HEATR5B: variants seen among roughly 807,000 people sequenced by gnomAD.
HEATR5B encodes HEAT repeat-containing protein 5B.
In HEATR5B, 156 loss-of-function variants were observed where a neutral mutation model predicts 224.1. That is an observed-to-expected ratio of 0.70 (90% CI 0.61 to 0.80). The LOEUF is 0.80. Among genes scored for constraint, HEATR5B ranks in the 30% least tolerant of loss-of-function variants. HEATR5B has a pLI of 0.00. For synonymous variants in HEATR5B, 1,027 were observed against 893.0 expected (o/e 1.15, Z -2.68); for missense variants, 2,323 against 2,535.5 (o/e 0.92, Z 1.80).
rs2148581829 is a variant in HEATR5B at position 37,068,820 on chromosome 2, T to C, written c.1038A>G (p.Thr346=). ...DLVSHPRATQ[T]HVEAVYSRRC... is the part of the protein sequence containing the mutation. ...GTCTGGAGTACACAGCCTCCACATGTGTTTGTGTTGCCCGAGGATGGGAAA... is the reference window on the plus strand; with the variant it reads ...GTCTGGAGTACACAGCCTCCACATGCGTTTGTGTTGCCCGAGGATGGGAAA... Residue 346 remains threonine, a synonymous_variant, in exon 8 of 36, where the codon ACA becomes ACG. Coordinates refer to ENST00000233099, the MANE Select transcript of HEATR5B (RefSeq NM_019024.3). 1 of 1,614,100 alleles carries C rather than the reference T, an allele frequency of 6.2e-7. No individual in the cohort carries two copies. Among genetic ancestry groups the C allele is most frequent in the East Asian group, 2.2e-5 (1 of 44,874 alleles).
intron 26 of HEATR5B, among the ~76,000 whole-genome samples, chr2:37,014,760 C>T (rs1182151776): frequency 2.7e-5 from 4 of 150,806 alleles, no homozygotes; most frequent in South Asian, 4.2e-4. Flanking sequence ...AGGCGGATCA[C>T]GAGGTCAGGA....
At position 37,008,676 on chromosome 2, in the gene HEATR5B, G is replaced by T; in HGVS notation, c.4457C>A (p.Ala1486Glu). 6.2e-7 allele frequency: 1 copy of T among 1,614,144 alleles called. No individual in the cohort carries two copies. The highest frequency in any genetic ancestry group is 8.5e-7 in the Non-Finnish European group (1 of 1,180,018). The part of the protein sequence containing the change: ...ELPTLSRLWL[A>E]ALKDYALLTL... Reference sequence around the variant, plus strand: ...CAAGAGTGCATAATCTTTTAATGCTGCTAACCACAGGCGACTGAGTGTTGG... The same window carrying T: ...CAAGAGTGCATAATCTTTTAATGCTTCTAACCACAGGCGACTGAGTGTTGG... The change falls in exon 28 of 36, where the codon GCA (alanine) becomes GAA (glutamate). Residue 1486 changes from alanine (A) to glutamate (E), a missense_variant. This residue lies in a region of HEATR5B where 844 missense variants were observed against 812.9 expected (regional missense o/e 1.04). Transcript: ENST00000233099.
intron 22 of HEATR5B, among the ~76,000 whole-genome samples, chr2:37,032,168 G>A (rs1298995653): frequency 1.3e-5 from 2 of 152,200 alleles, no homozygotes; most frequent in Non-Finnish European, 2.9e-5. Flanking sequence ...AGAAATGGCA[G>A]AAATATTCTG....
In HEATR5B at chr2:36,988,748, C is replaced by G; in HGVS notation, c.5809G>C (p.Ala1937Pro). 1 of 1,614,064 alleles carries G rather than the reference C, an allele frequency of 6.2e-7. No homozygotes were observed. The highest frequency in any genetic ancestry group is 8.5e-7 in the Non-Finnish European group (1 of 1,179,998). The part of the protein sequence containing the change: ...LAPIVVEKLK[A>P]VERNRPASNI... The stretch of plus-strand genomic sequence containing the variant: ...CTGGCTGGTCTGTTTCTTTCAACAG[C>G]TTTTAGCTTTTCAACCACTATTGGA... Residue 1937 changes from alanine (A) to proline (P), a missense_variant, in exon 35 of 36, where the codon GCT becomes CCT. Ala to Pro is a conservative substitution (Grantham distance 27). Around this residue, in one of 12 missense-constraint regions of HEATR5B, gnomAD observed 844 missense variants for 812.9 expected, o/e 1.04. Transcript: ENST00000233099.
In HEATR5B at chr2:37,058,681, C is replaced by G. The variant is rs560975609; in HGVS notation, c.1950-121G>C. 1.9e-4 allele frequency: 139 copies of G among 731,452 alleles called. 1 individual carries two copies. The East Asian group carries it at 3.7e-3, about 20-fold the overall frequency. The allele number at this position is 731,452 out of a possible 1,614,324, so 45.3% of individuals were successfully genotyped here. ...TGATAAGTATACACTTTCATTTTAG[C>G]TTATGTTGTGATCTTTGCTGTAACA... On this transcript the variant is annotated intron_variant, in intron 13 of 35. Transcript: ENST00000233099.
intron 23 of HEATR5B, 117 bp downstream of exon 23, chr2:37,028,561 GTTA>G (rs1403772468): frequency 1.4e-6 from 1 of 715,496 alleles, no homozygotes; most frequent in Non-Finnish European, 2.1e-6. Context: ...TAGATCAAAA[GTTA>G]TTACTTTTAA....
At position 37,028,885 on chromosome 2, in the gene HEATR5B, T is replaced by C. The variant is rs757558731; in HGVS notation, c.3397A>G (p.Thr1133Ala). ...SPFAPGVSSRTDIHCRHQGVN... is the reference protein window; with the variant it reads ...SPFAPGVSSRADIHCRHQGVN... Reference sequence around the variant, plus strand: ...CCTTGGTGCCGGCAATGGATATCAGTTCGAGAACTAACCCCAGGGGCAAAA... The same window carrying C: ...CCTTGGTGCCGGCAATGGATATCAGCTCGAGAACTAACCCCAGGGGCAAAA... Residue 1133 changes from threonine to alanine, a missense_variant, in exon 23 of 36, where the codon ACT (threonine) becomes GCT (alanine). Transcript: ENST00000233099. 1.2e-6 allele frequency: 2 copies of C among 1,613,902 alleles called. No homozygotes were observed. The highest frequency in any genetic ancestry group is 3.3e-5 in the Admixed American group (2 of 59,992).
At chr2:37,040,606 C>CCTG in intron 19 of HEATR5B, 88 bp from the exon 20 acceptor site, 1 of 923,776 alleles carries the variant, frequency 1.1e-6, no homozygotes, top group Non-Finnish European at 1.6e-6. Context: ...TGGGTATACT[C>CCTG]TTAATATTTT....
At chr2:37,024,682 A>G (rs1668660757) in intron 24 of HEATR5B, among the ~76,000 whole-genome samples, 2 of 152,238 alleles carry the variant, frequency 1.3e-5, no homozygotes, top group Admixed American at 6.5e-5. Flanking sequence ...GTAGATTAAA[A>G]TGGGTCTACT....
At chr2:37,014,685 A>T (rs1193932743) in intron 26 of HEATR5B, among the ~76,000 whole-genome samples, 2 of 151,628 alleles carry the variant, frequency 1.3e-5, no homozygotes, top group African/African-American at 4.8e-5. Flanking sequence ...ACTTTAAAAA[A>T]AAAAAAAAAG....
intron 18 of HEATR5B, among the ~76,000 whole-genome samples, chr2:37,048,892 A>G (rs1400599218): frequency 1.3e-5 from 2 of 152,230 alleles, no homozygotes; most frequent in Non-Finnish European, 2.9e-5. Flanking sequence ...CTTCAGAACT[A>G]CTACTTCATA....
In HEATR5B at chr2:37,008,660, AT is replaced by A. The variant is rs750717516; in HGVS notation, c.4472del (p.Tyr1491LeufsTer4). Reference protein sequence around the residue: ...SRLWLAALKDYALLTLPAEFS... With the variant: ...SRLWLAALKDXALLTLPAEFS... ...ATTCGGCTGGTAAAGTCAAGAGTGC[AT>A]AATCTTTTAATGCTGCTAACCACAG... is the stretch of plus-strand genomic sequence containing the variant. On this transcript the variant is annotated frameshift_variant, in exon 28 of 36. Coordinates refer to ENST00000233099, the MANE Select transcript of HEATR5B (RefSeq NM_019024.3). LOFTEE classifies it high-confidence loss of function. 1 of 1,614,204 alleles carries A rather than the reference AT, an allele frequency of 6.2e-7. No individual in the cohort carries two copies. Among genetic ancestry groups the A allele is most frequent in the South Asian group, 1.1e-5 (1 of 91,082 alleles).
At chr2:37,083,118 TG>T (rs1672716896) in intron 2 of HEATR5B, among the ~76,000 whole-genome samples, 170 bp downstream of exon 2, 1 of 152,220 alleles carries the variant, frequency 6.6e-6, no homozygotes, top group South Asian at 2.1e-4. Context: ...GGCAATGAGC[TG>T]GATTTAAACG....
chr2:37,002,944 T>C (rs983761113), intron 31 of HEATR5B, among the ~76,000 whole-genome samples: 1 of 152,120 alleles, frequency 6.6e-6, no homozygotes, highest in African/African-American at 2.4e-5. Context: ...CTTCTAAATG[T>C]ATGATTAATT....
chr2:36,992,423 A>C (rs577424852), intron 33 of HEATR5B, among the ~76,000 whole-genome samples: 3 of 152,038 alleles, frequency 2.0e-5, no homozygotes, highest in Non-Finnish European at 4.4e-5. Flanking sequence ...TCTACAAAAA[A>C]CAAAAAAATT....
chr2:37,076,720 CT>C (rs779510221), intron 4 of HEATR5B, among the ~76,000 whole-genome samples, 190 bp downstream of exon 4: 111 of 151,644 alleles, frequency 7.3e-4, no homozygotes, highest in Non-Finnish European at 2.5e-4. Context: ...AAACCTATTC[CT>C]TGTCAAAGAA....
chr2:37,051,180 AC>A (rs1670520379), intron 17 of HEATR5B, among the ~76,000 whole-genome samples: 1 of 151,838 alleles, frequency 6.6e-6, no homozygotes, highest in Non-Finnish European at 1.5e-5. Flanking sequence ...ACATGGTGAA[AC>A]CCCGTCTCTG....
intron 21 of HEATR5B, among the ~76,000 whole-genome samples, chr2:37,036,339 C>T (rs576533702): frequency 2.6e-5 from 4 of 152,280 alleles, no homozygotes; most frequent in South Asian, 2.1e-4. Flanking sequence ...TCTGTCTTCT[C>T]TCTCAGCCTT....
chr2:37,045,402 T>C (rs1203487915), intron 18 of HEATR5B, among the ~76,000 whole-genome samples: 1 of 152,204 alleles, frequency 6.6e-6, no homozygotes, highest in Non-Finnish European at 1.5e-5. Context: ...AGTTTGATTT[T>C]CTCAAGGCTT....
Sources: allele counts gnomAD v4.1 joint callset (sites outside exome capture counted in the v4.1 genomes callset), GRCh38; gene constraint gnomAD v4.1.1; regional missense constraint gnomAD v4.1.1; transcripts MANE v1.5; gene names NCBI Gene and HGNC (gene_info 2026-07-23, HGNC 2026-07-21).